The following MELK variants were observed in gnomAD, a reference collection of about 807,000 sequenced individuals.
MELK encodes pEg3 kinase.
A neutral mutation model predicts 85.0 loss-of-function variants in MELK; 81 were observed. That is an observed-to-expected ratio of 0.95 (90% CI 0.80 to 1.15). The LOEUF is 1.15. Among genes scored for constraint, MELK ranks in the 50% most tolerant of loss-of-function variants. The pLI, the probability that MELK is intolerant of heterozygous loss-of-function variation, is 0.00. For synonymous variants in MELK, 252 were observed against 265.0 expected (o/e 0.95, Z 0.48); for missense variants, 754 against 777.5 (o/e 0.97, Z 0.36).
At chr9:36,634,438 C>T (rs1298915738) in intron 10 of MELK, among the ~76,000 whole-genome samples, 7 of 152,140 alleles carry the variant, frequency 4.6e-5, no homozygotes, top group Non-Finnish European at 8.8e-5. Context: ...AGGCCAGGCA[C>T]GGTGGCTCAC....
At chr9:36,666,665 T>G (rs1054593170) in intron 14 of MELK, among the ~76,000 whole-genome samples, 3 of 152,210 alleles carry the variant, frequency 2.0e-5, no homozygotes, top group Non-Finnish European at 4.4e-5. Flanking sequence ...GTGCTTCTAG[T>G]GTACTAATGG....
intron 11 of MELK, among the ~76,000 whole-genome samples, chr9:36,644,584 G>C (rs763934922): frequency 2.4e-4 from 36 of 152,126 alleles, no homozygotes; most frequent in Admixed American, 3.3e-4. Flanking sequence ...CTTGGGAATT[G>C]CTGTAAGATT....
At chr9:36,624,224 C>T (rs1366296908) in intron 8 of MELK, among the ~76,000 whole-genome samples, 6 of 152,026 alleles carry the variant, frequency 3.9e-5, no homozygotes, top group Non-Finnish European at 8.8e-5. Flanking sequence ...GCTGAGACTA[C>T]AGGCACGTGC....
chr9:36,621,373 T>C (rs553791015), intron 8 of MELK, among the ~76,000 whole-genome samples: 2 of 151,214 alleles, frequency 1.3e-5, no homozygotes, highest in South Asian at 4.2e-4. Flanking sequence ...TTTAGTTTTA[T>C]TCTGTTTCAG....
At chr9:36,594,550 G>A (rs898691303) in intron 4 of MELK, 78 bp from the exon 5 acceptor site, 10 of 1,501,588 alleles carry the variant, frequency 6.7e-6, no homozygotes, top group Non-Finnish European at 9.1e-6. Flanking sequence ...TCTGAGTTAA[G>A]TGTACTTTTT....
At position 36,626,809 on chromosome 9, in the gene MELK, A is replaced by T. The variant is rs955043157; in HGVS notation, c.667-3490A>T. Among the ~76,000 whole-genome samples the T allele has an allele frequency of 3.3e-5, 5 of 152,002 alleles. No homozygotes were observed. In the East Asian group the frequency reaches 5.8e-4, roughly 18 times the overall value. On this transcript the variant is annotated intron_variant, in intron 8 of 17. Coordinates refer to ENST00000298048, the MANE Select transcript of MELK (RefSeq NM_014791.4). ...CCTATCTCTACTAAAAATACAAAAA[A>T]TTAGCTGGGGGTGGTGGCAGGCACC... is the stretch of plus-strand genomic sequence containing the variant.
At chr9:36,606,698 T>C (rs1324658797) in intron 7 of MELK, 1 of 147,972 alleles carries the variant, frequency 6.8e-6, no homozygotes, top group Non-Finnish European at 1.5e-5. Context: ...CATGTATGCA[T>C]ATATGTATAT....
chr9:36,608,976 TATAAA>T lies in MELK; in HGVS notation c.666+1308_666+1312del, dbSNP rs1409679195. Among the ~76,000 whole-genome samples the T allele has an allele frequency of 3.3e-5, 5 of 152,368 alleles. No homozygotes were observed. In the East Asian group the frequency reaches 7.7e-4, roughly 23 times the overall value. ...GTCAAATCACATTTTCCTTTTGACT[TATAAA>T]ATAAGAACCTCCTCTTTTCTTTTTT... On this transcript the variant is annotated intron_variant, in intron 8 of 17. Transcript: ENST00000298048.
intron 3 of MELK, among the ~76,000 whole-genome samples, chr9:36,585,799 G>A (rs1160870284): frequency 6.6e-6 from 1 of 151,952 alleles, no homozygotes; most frequent in African/African-American, 2.4e-5. Context: ...TTAGCCAGGT[G>A]TGGTTGTGCA....
At chr9:36,598,991 T>A (rs1366431383) in intron 6 of MELK, among the ~76,000 whole-genome samples, 1 of 152,118 alleles carries the variant, frequency 6.6e-6, no homozygotes, top group East Asian at 1.9e-4. Flanking sequence ...TTCTCTTTGC[T>A]TGTGCTCAAA....
In MELK at chr9:36,665,358, G is replaced by A; in HGVS notation, c.1185G>A (p.Lys395=). ...TAACTTTTTTTTTCCAGTTTACCAA[G>A]TACTGGACAGAATCAAATGGGGTGG... ...AATPRTSQFT[K]YWTESNGVES... is the part of the protein sequence containing the mutation. Residue 395 remains lysine, a synonymous_variant, in exon 14 of 18, where the codon AAG becomes AAA. Coordinates refer to ENST00000298048, the MANE Select transcript of MELK (RefSeq NM_014791.4). 6.2e-7 allele frequency: 1 copy of A among 1,607,334 alleles called. No homozygotes were observed.
chr9:36,666,842 GATGTCT>G (rs1282400492), intron 14 of MELK, among the ~76,000 whole-genome samples: 5 of 143,210 alleles, frequency 3.5e-5, no homozygotes, highest in African/African-American at 1.3e-4. Context: ...GTGTCCTGAT[GATGTCT>G]GTGTTTGTGT....
At chr9:36,659,153 T>C (rs1831549421) in intron 13 of MELK, among the ~76,000 whole-genome samples, 2 of 152,130 alleles carry the variant, frequency 1.3e-5, no homozygotes, top group Non-Finnish European at 2.9e-5. Flanking sequence ...AGTGCTGGGA[T>C]TACAGGCTTG....
intron 3 of MELK, among the ~76,000 whole-genome samples, chr9:36,587,878 C>T (rs1460524938): frequency 6.6e-6 from 1 of 151,868 alleles, no homozygotes; most frequent in East Asian, 1.9e-4. Flanking sequence ...CTCCTTGCTT[C>T]AGCCTTTCAA....
At chr9:36,641,148 T>G (rs1428025864) in intron 10 of MELK, among the ~76,000 whole-genome samples, 1 of 152,186 alleles carries the variant, frequency 6.6e-6, no homozygotes, top group Non-Finnish European at 1.5e-5. Context: ...ACGGAAGACT[T>G]GCAGAGGAAA....
chr9:36,610,333 C>T (rs1825960445), intron 8 of MELK, among the ~76,000 whole-genome samples: 1 of 152,202 alleles, frequency 6.6e-6, no homozygotes, highest in Admixed American at 6.5e-5. Flanking sequence ...CTATATCCCA[C>T]CTTGGAAGAT....
intron 13 of MELK, among the ~76,000 whole-genome samples, chr9:36,661,256 C>T (rs1369192200): frequency 6.6e-6 from 1 of 152,168 alleles, no homozygotes; most frequent in African/African-American, 2.4e-5. Context: ...ACTGTTTCTA[C>T]TTAGCTGTTT....
At chr9:36,615,848 G>A (rs1294349381) in intron 8 of MELK, among the ~76,000 whole-genome samples, 25 of 148,658 alleles carry the variant, frequency 1.7e-4, no homozygotes, top group Non-Finnish European at 2.5e-4. Context: ...GCGGCCGGGC[G>A]GAGACGCTCC....
intron 10 of MELK, among the ~76,000 whole-genome samples, chr9:36,634,384 T>G (rs780117295): frequency 7.9e-5 from 12 of 152,176 alleles, no homozygotes; most frequent in Non-Finnish European, 1.3e-4. Flanking sequence ...TTAGTCCGTG[T>G]TCTTTCTCAT....
Sources: allele counts gnomAD v4.1 joint callset (sites outside exome capture counted in the v4.1 genomes callset), GRCh38; gene constraint gnomAD v4.1.1; transcripts MANE v1.5; gene names NCBI Gene and HGNC (gene_info 2026-07-23, HGNC 2026-07-21).